The following CHD1L variants were observed in gnomAD, a reference collection of about 807,000 sequenced individuals.
CHD1L encodes the protein ATP-dependent chromatin remodeler CHD1L.
Under a neutral mutation model 115.9 loss-of-function variants are expected in CHD1L, and 118 were observed. The observed-to-expected ratio is 1.02, with a 90% CI of 0.88 to 1.19. The LOEUF is 1.19. Among genes scored for constraint, CHD1L ranks in the 50% most tolerant of loss-of-function variants. CHD1L has a pLI of 0.00. For synonymous variants in CHD1L, 411 were observed against 387.1 expected (o/e 1.06, Z -0.72); for missense variants, 1,179 against 1,065.3 (o/e 1.11, Z -1.49).
At chr1:147,252,543 C>T in intron 1 of CHD1L, 80 bp from the exon 2 acceptor site, 1 of 1,066,468 alleles carries the variant, frequency 9.4e-7, no homozygotes, top group Non-Finnish European at 1.4e-6. Context: ...GGCTGTGTTC[C>T]TCATTCAAAC....
the CHD1L span, among the ~76,000 whole-genome samples, chr1:147,187,492 G>T: frequency 2.0e-5 from 3 of 152,148 alleles, no homozygotes; most frequent in Non-Finnish European, 4.4e-5. Context: ...GTGGAGAGGG[G>T]ATAGTTAAAA....
intron 9 of CHD1L, 50 bp downstream of exon 9, chr1:147,267,568 G>C (rs1553949472): frequency 7.0e-7 from 1 of 1,420,418 alleles, no homozygotes; most frequent in East Asian, 2.3e-5. Flanking sequence ...ATGTTTCTGT[G>C]GCCAAATCAT....
the CHD1L span, among the ~76,000 whole-genome samples, chr1:147,194,122 T>G: frequency 3.3e-5 from 5 of 152,146 alleles, no homozygotes; most frequent in African/African-American, 9.7e-5. Flanking sequence ...AAGTCTCCCA[T>G]TATTATTGCG....
At chr1:147,239,459 A>T (rs587704182), upstream of CHD1L, among the ~76,000 whole-genome samples, 4 of 152,262 alleles carry the variant, frequency 2.6e-5, no homozygotes, top group South Asian at 8.3e-4. Context: ...ATGCTCAATC[A>T]GTGAATCCTA....
intron 15 of CHD1L, among the ~76,000 whole-genome samples, chr1:147,280,517 C>T (rs1251452581): frequency 6.6e-6 from 1 of 152,140 alleles, no homozygotes; most frequent in Non-Finnish European, 1.5e-5. Context: ...AGCCTACCAT[C>T]CTTGGTATGA....
chr1:147,188,161 A>G, the CHD1L span, among the ~76,000 whole-genome samples: 2 of 152,198 alleles, frequency 1.3e-5, no homozygotes, highest in Non-Finnish European at 2.9e-5. Flanking sequence ...TTCCCTTATG[A>G]ACAATATGTT....
At chr1:147,242,903 CA>C in intron 1 of CHD1L, 73 bp downstream of exon 1, 4 of 1,235,284 alleles carry the variant, frequency 3.2e-6, no homozygotes, top group Non-Finnish European at 4.1e-6. Context: ...GCCGGGGGCG[CA>C]GCGGGTGGGC....
chr1:147,295,680 A>C lies in CHD1L; in HGVS notation c.*171A>C. ...TGTTTTGCTCTGTTTTGGTACCTGT[A>C]ATATAGGGAAACACAACTTTTTTTG... On this transcript the variant is annotated 3_prime_UTR_variant, in exon 23 of 23. Coordinates refer to ENST00000369258, the MANE Select transcript of CHD1L (RefSeq NM_004284.6). 3.7e-6 allele frequency: 2 copies of C among 542,388 alleles called. No individual in the cohort carries two copies. The highest frequency in any genetic ancestry group is 9.3e-4 in the Middle Eastern group (2 of 2,146). The allele number at this position is 542,388 out of a possible 1,614,324, so 33.6% of individuals were successfully genotyped here.
chr1:147,196,018 G>C, the CHD1L span, among the ~76,000 whole-genome samples: 1 of 152,260 alleles, frequency 6.6e-6, no homozygotes, highest in Middle Eastern at 3.4e-3. Flanking sequence ...GAGCCACAGA[G>C]TTTAATGTTA....
the CHD1L span, chr1:147,178,905 C>G: frequency 4.4e-6 from 7 of 1,575,790 alleles, no homozygotes; most frequent in East Asian, 1.6e-4. Flanking sequence ...TTATTGCTTA[C>G]TATGATGTGG....
the CHD1L span, among the ~76,000 whole-genome samples, chr1:147,235,612 A>C: frequency 2.6e-5 from 4 of 152,132 alleles, no homozygotes; most frequent in African/African-American, 9.7e-5. Flanking sequence ...CAGAACCCAG[A>C]ATAGGTATGC....
chr1:147,179,623 T>C, the CHD1L span: 1 of 1,534,084 alleles, frequency 6.5e-7, no homozygotes, highest in Non-Finnish European at 9.0e-7. Context: ...CAGGAGGATC[T>C]CTAAAGCAGT....
At chr1:147,181,297 T>A in the CHD1L span, among the ~76,000 whole-genome samples, 1 of 152,196 alleles carries the variant, frequency 6.6e-6, no homozygotes, top group South Asian at 2.1e-4. Context: ...CTCACTTTTT[T>A]AAAACTGTTT....
At chr1:147,193,645 G>C in the CHD1L span, among the ~76,000 whole-genome samples, 58 of 152,224 alleles carry the variant, frequency 3.8e-4, no homozygotes, top group African/African-American at 1.4e-3. Context: ...TGGGCATTTA[G>C]TGCTATAAAT....
intron 1 of CHD1L, 176 bp downstream of exon 1, chr1:147,243,006 GC>G: frequency 1.3e-6 from 1 of 760,024 alleles, no homozygotes; most frequent in Non-Finnish European, 1.8e-6. Flanking sequence ...GGTGGCCACG[GC>G]CCCCGCCTGC....
chr1:147,277,856 CTT>C (rs1403010368), intron 14 of CHD1L, among the ~76,000 whole-genome samples: 9 of 152,100 alleles, frequency 5.9e-5, no homozygotes, highest in Admixed American at 1.3e-4. Context: ...CCCGCATTCT[CTT>C]GTTAGAGGAG....
At chr1:147,233,442 C>T in the CHD1L span, among the ~76,000 whole-genome samples, 1 of 128,826 alleles carries the variant, frequency 7.8e-6, no homozygotes, top group Non-Finnish European at 1.6e-5. Flanking sequence ...CCCCCCCGCC[C>T]GGCCAGCCGC....
At chr1:147,188,649 C>T in the CHD1L span, among the ~76,000 whole-genome samples, 7 of 151,144 alleles carry the variant, frequency 4.6e-5, no homozygotes, top group Non-Finnish European at 1.0e-4. Flanking sequence ...ACATAGTCGG[C>T]CTTTAATAAA....
chr1:147,262,974 T>C (rs1672497032), intron 6 of CHD1L, among the ~76,000 whole-genome samples: 1 of 152,142 alleles, frequency 6.6e-6, no homozygotes. Flanking sequence ...TATATGCATA[T>C]ATATTATTTA....
Sources: allele counts gnomAD v4.1 joint callset (sites outside exome capture counted in the v4.1 genomes callset), GRCh38; gene constraint gnomAD v4.1.1; transcripts MANE v1.5; gene names NCBI Gene and HGNC (gene_info 2026-07-23, HGNC 2026-07-21).